ACTR2: variants seen among roughly 807,000 people sequenced by gnomAD.
ACTR2 encodes actin-related protein 2.
A neutral mutation model predicts 50.2 loss-of-function variants in ACTR2; 5 were observed. The ratio of observed to expected loss-of-function variants is 0.10; its 90% confidence interval spans 0.05 to 0.21. The LOEUF is 0.21. Ranked by LOEUF, ACTR2 falls within the 10% of genes least tolerant of loss-of-function variation. The probability of loss-of-function intolerance (pLI) is 1.00; values close to 1 mark genes in which losing one functional copy is unlikely to be tolerated. For synonymous variants in ACTR2, 140 were observed against 162.9 expected, an observed-to-expected ratio of 0.86 and a Z score of 1.07; for missense variants, 180 against 480.6, an observed-to-expected ratio of 0.37 and a Z score of 5.85.
intron 8 of ACTR2, 131 bp from the exon 9 acceptor site, chr2:65,268,433 A>C (rs1672426251): frequency 1.4e-6 from 1 of 699,630 alleles, no homozygotes; most frequent in Non-Finnish European, 2.1e-6. Context: ...TCAGGTACCA[A>C]ATATTACGTT....
chr2:65,270,180 A>G lies in ACTR2; in HGVS notation c.*1446A>G, dbSNP rs1400479411. 1 of 143,704 alleles carries G rather than the reference A, an allele frequency of 7.0e-6. No homozygotes were observed. The highest frequency in any genetic ancestry group is 1.5e-5 in the Non-Finnish European group (1 of 65,524). 8.9% of individuals were successfully genotyped at this position (143,704 alleles called of 1,614,324 possible). On this transcript the variant is annotated 3_prime_UTR_variant, in exon 9 of 9. Coordinates refer to ENST00000260641, the MANE Select transcript of ACTR2 (RefSeq NM_005722.4). ...ACAAAATACAAGTTCTGGAAAAAAT[A>G]TTTTTCTTCATTTTAAAACTTTTTT... is the stretch of plus-strand genomic sequence containing the variant.
chr2:65,242,064 G>GT, intron 2 of ACTR2: 1 of 1,601,430 alleles, frequency 6.2e-7, no homozygotes, highest in Non-Finnish European at 8.5e-7. Context: ...CAAAAAGATG[G>GT]TAAGTGAGGT....
intron 7 of ACTR2, 124 bp downstream of exon 7, chr2:65,261,516 A>G: frequency 1.0e-6 from 1 of 984,832 alleles, no homozygotes; most frequent in Non-Finnish European, 1.4e-6. Context: ...TACTTGAAAT[A>G]ATTTCAGACT....
At chr2:65,238,342 C>A (rs984006813) in intron 1 of ACTR2, among the ~76,000 whole-genome samples, 5 of 152,086 alleles carry the variant, frequency 3.3e-5, no homozygotes, top group Admixed American at 1.3e-4. Context: ...CCCGGTATTA[C>A]TAAATATATT....
intron 6 of ACTR2, among the ~76,000 whole-genome samples, chr2:65,256,891 AAAAAG>A (rs2104011598): frequency 7.7e-6 from 1 of 130,484 alleles, no homozygotes; most frequent in East Asian, 2.0e-4. Context: ...AAAAAAAAAA[AAAAAG>A]TTAAGATAGT....
intron 2 of ACTR2, chr2:65,242,613 A>G: frequency 2.0e-6 from 1 of 503,602 alleles, no homozygotes; most frequent in South Asian, 1.5e-5. Flanking sequence ...TGATGAGCAG[A>G]TTTCACAACG....
At chr2:65,231,416 G>T (rs1315327182) in intron 1 of ACTR2, among the ~76,000 whole-genome samples, 1 of 152,156 alleles carries the variant, frequency 6.6e-6, no homozygotes, top group Non-Finnish European at 1.5e-5. Flanking sequence ...TTAGATACCT[G>T]AAGTTATAAT....
At chr2:65,266,263 G>A (rs1672371068) in intron 8 of ACTR2, among the ~76,000 whole-genome samples, 2 of 152,204 alleles carry the variant, frequency 1.3e-5, no homozygotes, top group Admixed American at 1.3e-4. Flanking sequence ...GAGGTAGTGT[G>A]CTCCTTCATA....
intron 3 of ACTR2, among the ~76,000 whole-genome samples, chr2:65,247,776 G>A (rs535958719): frequency 3.3e-4 from 51 of 152,244 alleles, no homozygotes; most frequent in Middle Eastern, 6.8e-3. Flanking sequence ...GACAAAAATC[G>A]TGTATAAGTG....
At chr2:65,261,833 T>A (rs1486635518) in intron 7 of ACTR2, among the ~76,000 whole-genome samples, 1 of 152,228 alleles carries the variant, frequency 6.6e-6, no homozygotes, top group Admixed American at 6.5e-5. Flanking sequence ...GTAATAGCTG[T>A]ACTAATTCAC....
intron 1 of ACTR2, 151 bp downstream of exon 1, chr2:65,228,108 CGAGCCGGCCGTTCCCTGGTCTCCCTT>C (rs1671562409): frequency 6.5e-6 from 4 of 619,530 alleles, no homozygotes; most frequent in African/African-American, 1.9e-5. Context: ...GGCGTGGGAG[CGAGCCGGCCGTTCCCTGGTCTCCCTT>C]GAGCCTGCCA....
chr2:65,270,651 C>T lies in ACTR2; in HGVS notation c.*1917C>T, dbSNP rs1055686634. 1.3e-5 allele frequency: 2 copies of T among 152,058 alleles called. No individual in the cohort carries two copies. Among genetic ancestry groups the T allele is most frequent in the Non-Finnish European group, 2.9e-5 (2 of 68,008 alleles). The allele number at this position is 152,058 out of a possible 1,614,324, so 9.4% of individuals were successfully genotyped here. A position where few individuals can be genotyped will look rare whatever the true frequency, so the allele number is the denominator to read the frequency against. ...TTTAAAATATGGGAGTAGAAAACAA[C>T]AAAGAATGGAATGGACTCTTAAAAC... is the stretch of plus-strand genomic sequence containing the variant. On this transcript the variant is annotated 3_prime_UTR_variant, in exon 9 of 9. Transcript: ENST00000260641.
At chr2:65,255,853 CTATT>C (rs1672139928) in intron 6 of ACTR2, among the ~76,000 whole-genome samples, 159 bp downstream of exon 6, 1 of 152,042 alleles carries the variant, frequency 6.6e-6, no homozygotes, top group Admixed American at 6.6e-5. Context: ...CATTAAGTTT[CTATT>C]TAATTATTTT....
chr2:65,239,944 G>A lies in ACTR2; in HGVS notation c.141G>A (p.Val47=). The part of the protein sequence containing the change: ...GRPIIRSTTK[V]GNIEIKDLMV... ...CTATTATCAGATCAACCACCAAAGT[G>A]GGAAACATTGAAATCAAGGTAATAT... is the stretch of plus-strand genomic sequence containing the variant. The change falls in exon 2 of 9, where the codon GTG becomes GTA. Residue 47 remains valine, a synonymous_variant. Coordinates refer to ENST00000260641, the MANE Select transcript of ACTR2 (RefSeq NM_005722.4). 1 of 1,603,496 alleles carries A rather than the reference G, an allele frequency of 6.2e-7. No homozygotes were observed. The highest frequency in any genetic ancestry group is 2.2e-5 in the East Asian group (1 of 44,770).
At chr2:65,237,423 T>C (rs1671760000) in intron 1 of ACTR2, among the ~76,000 whole-genome samples, 5 of 150,616 alleles carry the variant, frequency 3.3e-5, no homozygotes, top group Admixed American at 3.3e-4. Context: ...TGTAATTTTT[T>C]CCGGGGGGGA....
rs1256888047 is a variant in ACTR2, at chr2:65,270,890, G to A, written c.*2156G>A. On this transcript the variant is annotated 3_prime_UTR_variant, in exon 9 of 9. Coordinates refer to ENST00000260641, the MANE Select transcript of ACTR2 (RefSeq NM_005722.4). ...ATGTTTAACTGGAGTTGTCAAGTAT[G>A]AGTCCCTCAGGAAAAAAAAAAAATT... 1 of 151,322 alleles carries A rather than the reference G, an allele frequency of 6.6e-6. No individual in the cohort carries two copies. The highest frequency in any genetic ancestry group is 1.9e-4 in the East Asian group (1 of 5,182). 9.4% of individuals were successfully genotyped at this position (151,322 alleles called of 1,614,324 possible). A position where few individuals can be genotyped will look rare whatever the true frequency, so the allele number is the denominator to read the frequency against.
intron 3 of ACTR2, among the ~76,000 whole-genome samples, chr2:65,248,226 G>T (rs959353595): frequency 6.6e-6 from 1 of 151,884 alleles, no homozygotes; most frequent in African/African-American, 2.4e-5. Context: ...ATAGTGAAAC[G>T]CCATCTCTAC....
intron 1 of ACTR2, among the ~76,000 whole-genome samples, chr2:65,230,780 GT>G (rs1266091936): frequency 6.6e-6 from 1 of 151,970 alleles, no homozygotes; most frequent in Non-Finnish European, 1.5e-5. Flanking sequence ...TAGGCTGGGC[GT>G]TGTGGCTCAT....
chr2:65,248,811 T>G (rs529033623), intron 3 of ACTR2, among the ~76,000 whole-genome samples: 229 of 152,028 alleles, frequency 1.5e-3, no homozygotes, highest in Non-Finnish European at 2.6e-3. Context: ...ACTAGGAATT[T>G]GAGACCAGCC....
Sources: allele counts gnomAD v4.1 joint callset (sites outside exome capture counted in the v4.1 genomes callset), GRCh38; gene constraint gnomAD v4.1.1; transcripts MANE v1.5; gene names NCBI Gene and HGNC (gene_info 2026-07-23, HGNC 2026-07-21).